USP7: variants seen among roughly 807,000 people sequenced by gnomAD.
USP7 encodes the protein ubiquitin C-terminal hydrolase 7.
Under a neutral mutation model 162.9 loss-of-function variants are expected in USP7, and 9 were observed. The observed-to-expected ratio is 0.06, with a 90% CI of 0.03 to 0.10. The LOEUF is 0.10. Ranked by LOEUF, USP7 falls within the 10% of genes least tolerant of loss-of-function variation. The pLI is 1.00. For missense variants in USP7, 715 were observed against 1,373.7 expected (o/e 0.52, Z 7.58); for synonymous variants, 562 against 475.9 (o/e 1.18, Z -2.35).
At chr16:8,935,651 A>G (rs956435575) in intron 1 of USP7, 3 of 152,240 alleles carry the variant, frequency 2.0e-5, no homozygotes, top group Non-Finnish European at 2.9e-5. Flanking sequence ...ACCATCCCAT[A>G]ATACGCATAT....
intron 1 of USP7, among the ~76,000 whole-genome samples, chr16:8,937,382 A>T (rs1443496298): frequency 6.6e-6 from 1 of 152,110 alleles, no homozygotes; most frequent in Non-Finnish European, 1.5e-5. Flanking sequence ...TCTCTACTAA[A>T]AATACAAAAA....
rs1042133376 is a variant in USP7 at position 8,949,133 on chromosome 16, T to G, written c.79+14074A>C. ...GAATACTAAAAACCACTGAACCCAC[T>G]TTAAATGGGTGAATTGTGGTATGTG... On this transcript the variant is annotated intron_variant, in intron 1 of 30. Transcript: ENST00000344836. 2.6e-5 allele frequency among the ~76,000 whole-genome samples: 4 copies of G among 152,236 alleles called. No homozygotes were observed. The South Asian group carries it at 8.3e-4, about 31-fold the overall frequency.
intron 6 of USP7, 87 bp downstream of exon 6, chr16:8,918,944 C>G (rs2141207480): frequency 7.5e-7 from 1 of 1,336,086 alleles, no homozygotes; most frequent in Non-Finnish European, 1.1e-6. Flanking sequence ...GAGGGAGACG[C>G]CATGTTTGTT....
chr16:8,963,077 C>T (rs1900086448), intron 1 of USP7, 130 bp downstream of exon 1: 1 of 824,590 alleles, frequency 1.2e-6, no homozygotes, highest in South Asian at 4.9e-5. Context: ...GGCCGGGAGG[C>T]CAGGCCGAGG....
At chr16:8,942,863 A>T (rs562926421) in intron 1 of USP7, among the ~76,000 whole-genome samples, 1 of 151,936 alleles carries the variant, frequency 6.6e-6, no homozygotes, top group Non-Finnish European at 1.5e-5. Context: ...GTGATTTTAT[A>T]CCCTCCAGTT....
chr16:8,909,711 A>G (rs895724700), intron 11 of USP7, among the ~76,000 whole-genome samples: 3 of 152,174 alleles, frequency 2.0e-5, no homozygotes. Context: ...GCGGATCACA[A>G]GGTCAGGGGT....
intron 1 of USP7, among the ~76,000 whole-genome samples, chr16:8,947,374 G>T (rs1899334796): frequency 6.6e-6 from 1 of 151,658 alleles, no homozygotes; most frequent in African/African-American, 2.4e-5. Context: ...CACACACAGG[G>T]TCTCACTCTT....
chr16:8,911,465 G>A (rs1258732776), intron 10 of USP7, among the ~76,000 whole-genome samples: 2 of 152,236 alleles, frequency 1.3e-5, no homozygotes, highest in African/African-American at 4.8e-5. Context: ...ACACGGAATT[G>A]TATATCCAGA....
intron 14 of USP7, 31 bp downstream of exon 14, chr16:8,905,156 A>C: frequency 1.2e-6 from 2 of 1,606,658 alleles, no homozygotes; most frequent in Non-Finnish European, 1.7e-6. Context: ...CCACCACAGT[A>C]AAGAACAGAA....
intron 1 of USP7, among the ~76,000 whole-genome samples, chr16:8,961,971 C>T (rs899589567): frequency 1.3e-5 from 2 of 152,212 alleles, no homozygotes; most frequent in Non-Finnish European, 2.9e-5. Flanking sequence ...ATCCCAGCCA[C>T]TTTGTCATTT....
intron 2 of USP7, among the ~76,000 whole-genome samples, chr16:8,926,011 G>A (rs560423906): frequency 1.3e-4 from 19 of 151,902 alleles, no homozygotes; most frequent in Admixed American, 2.6e-4. Flanking sequence ...AAAATTAGCC[G>A]GGTGCAGAGG....
chr16:8,928,542 C>T (rs1186037930), intron 2 of USP7, among the ~76,000 whole-genome samples: 1 of 152,190 alleles, frequency 6.6e-6, no homozygotes, highest in Non-Finnish European at 1.5e-5. Flanking sequence ...AAGAGGATTG[C>T]GCAATTTGTA....
rs573657048 is a variant in USP7, at chr16:8,931,545, C to G, written c.80-1148G>C. On this transcript the variant is annotated intron_variant, in intron 1 of 30. Transcript: ENST00000344836. ...ATTCCTGTATAATTATGTAAAGATC[C>G]GGGAAAGTGTTTAGGAAAGGATAAA... 4.6e-5 allele frequency among the ~76,000 whole-genome samples: 7 copies of G among 152,214 alleles called. No homozygotes were observed. In the East Asian group the frequency reaches 1.4e-3, roughly 29 times the overall value.
chr16:8,938,225 C>T (rs1898858416), intron 1 of USP7, among the ~76,000 whole-genome samples: 1 of 151,872 alleles, frequency 6.6e-6, no homozygotes, highest in Non-Finnish European at 1.5e-5. Context: ...CCAAAATAAC[C>T]TGGATTCCTG....
rs1900121723 is a variant in USP7, at chr16:8,963,870, T to C, written c.-585A>G. ...CGGACGCGGCGCCCGGCAGCTCGGC[T>C]CGGCTCGCTCTCAAAATGGCGGCGG... is the stretch of plus-strand genomic sequence containing the variant. On this transcript the variant is annotated 5_prime_UTR_variant, in exon 1 of 31. Coordinates refer to ENST00000344836, the MANE Select transcript of USP7 (RefSeq NM_003470.3). 6.8e-6 allele frequency among the ~76,000 whole-genome samples: 1 copy of C among 145,990 alleles called. No homozygotes were observed. The highest frequency in any genetic ancestry group is 1.5e-5 in the Non-Finnish European group (1 of 65,752).
chr16:8,923,142 G>A (rs1897795090), intron 3 of USP7, 73 bp downstream of exon 3: 4 of 1,180,064 alleles, frequency 3.4e-6, no homozygotes, highest in Admixed American at 1.9e-5. Flanking sequence ...CTATGTAGAG[G>A]CAGCAAATAA....
chr16:8,924,775 T>G (rs1243542754), intron 2 of USP7, among the ~76,000 whole-genome samples: 1 of 152,214 alleles, frequency 6.6e-6, no homozygotes. Context: ...AGGGTAGTAT[T>G]GAAATATCAA....
At chr16:8,930,222 C>A (rs2141229639) in intron 2 of USP7, 71 bp downstream of exon 2, 2 of 1,229,190 alleles carry the variant, frequency 1.6e-6, no homozygotes, top group South Asian at 1.3e-5. Context: ...CAAGAAGTAC[C>A]AAGCATGGAT....
intron 1 of USP7, among the ~76,000 whole-genome samples, chr16:8,945,253 G>A (rs956854342): frequency 3.3e-5 from 5 of 151,876 alleles, no homozygotes; most frequent in African/African-American, 1.2e-4. Flanking sequence ...GTGTGGTGGT[G>A]CACACCTGTA....
Sources: gnomAD v4.1 joint callset for allele counts (sites outside exome capture counted in the v4.1 genomes callset) on GRCh38, gnomAD v4.1.1 for gene constraint, MANE v1.5 for transcripts, NCBI Gene and HGNC (gene_info 2026-07-23, HGNC 2026-07-21) for gene names.